Variants in TFAP2D observed in about 807,000 individuals in gnomAD.
The protein encoded by TFAP2D is transcription factor AP-2 delta, also known as transcription factor AP-2-delta.
Under a neutral mutation model 43.6 loss-of-function variants are expected in TFAP2D, and 9 were observed. The observed-to-expected ratio is 0.21, with a 90% confidence interval of 0.12 to 0.36. The LOEUF (loss-of-function observed/expected upper bound fraction) is 0.36. Among genes scored for constraint, TFAP2D ranks in the 10% least tolerant of loss-of-function variants. The pLI is 1.00. For missense variants in TFAP2D, 513 were observed against 561.4 expected (o/e 0.91, Z 0.87); for synonymous variants, 256 against 224.9 (o/e 1.14, Z -1.24).
intron 5 of TFAP2D, among the ~76,000 whole-genome samples, chr6:50,740,883 A>C (rs1170550403): frequency 6.6e-6 from 1 of 152,198 alleles, no homozygotes; most frequent in Non-Finnish European, 1.5e-5. Context: ...ACATTTTGCC[A>C]TTAACTTTCT....
chr6:50,738,114 C>T (rs898834609), intron 5 of TFAP2D, among the ~76,000 whole-genome samples: 1 of 151,822 alleles, frequency 6.6e-6, no homozygotes, highest in Non-Finnish European at 1.5e-5. Context: ...TTTATCATTG[C>T]TTATTTGATT....
intron 1 of TFAP2D, among the ~76,000 whole-genome samples, chr6:50,714,843 G>C (rs1463093931): frequency 6.6e-6 from 1 of 152,072 alleles, no homozygotes; most frequent in Admixed American, 6.5e-5. Flanking sequence ...GCGTGTGTGT[G>C]CGTGTGTGGT....
chr6:50,742,623 TAGATAGATGATA>T (rs1158778820), intron 5 of TFAP2D, among the ~76,000 whole-genome samples: 126 of 142,500 alleles, frequency 8.8e-4, no homozygotes, highest in East Asian at 4.0e-3. Context: ...GATAGATAGA[TAGATAGATGATA>T]GATAGATAGA....
intron 5 of TFAP2D, among the ~76,000 whole-genome samples, chr6:50,743,353 A>ATGTTT (rs1355430977): frequency 7.2e-6 from 1 of 138,468 alleles, no homozygotes; most frequent in Non-Finnish European, 1.6e-5. Flanking sequence ...AAAAAATAGT[A>ATGTTT]TATTTTGTTT....
chr6:50,764,059 AC>A (rs1205182859), intron 7 of TFAP2D, among the ~76,000 whole-genome samples: 2 of 152,204 alleles, frequency 1.3e-5, no homozygotes. Context: ...TAATTTAATA[AC>A]CCAGAGTTTC....
chr6:50,715,721 C>CCT (rs3835217), intron 2 of TFAP2D, 108 bp downstream of exon 2: 71 of 527,530 alleles, frequency 1.3e-4, no homozygotes, highest in African/African-American at 8.3e-4. Flanking sequence ...TCTCTCTTCT[C>CCT]CTCTCTCTCT....
chr6:50,716,925 G>A (rs556579281), intron 2 of TFAP2D, among the ~76,000 whole-genome samples: 1 of 152,188 alleles, frequency 6.6e-6, no homozygotes, highest in South Asian at 2.1e-4. Flanking sequence ...TCCCAACAAA[G>A]AGCCATAGCA....
Position 50,714,085 on chromosome 6 carries a change from C to G in TFAP2D, c.30C>G (p.His10Gln). The change falls in exon 1 of 8, where the codon CAC (histidine) becomes CAG (glutamine). Residue 10 changes from histidine to glutamine, a missense_variant. Physicochemically the swap from His to Gln is conservative, Grantham distance 24. Transcript: ENST00000008391. ...CAACTACCTTTCCGGGACTAGTCCA[C>G]GATGCCGAGGTATTATTACTTTTTT... is the stretch of plus-strand genomic sequence containing the variant. The part of the protein sequence containing the change: MSTTFPGLV[H>Q]DAEIRHDGSN... 1 of 1,604,172 alleles carries G rather than the reference C, an allele frequency of 6.2e-7. No homozygotes were observed. The highest frequency in any genetic ancestry group is 1.1e-5 in the South Asian group (1 of 90,246).
chr6:50,770,142 T>C (rs1769503812), intron 7 of TFAP2D, among the ~76,000 whole-genome samples: 3 of 152,328 alleles, frequency 2.0e-5, no homozygotes, highest in South Asian at 2.1e-4. Flanking sequence ...GTTCTTTTTG[T>C]GGGTATCACC....
In TFAP2D at chr6:50,728,917, T is replaced by C; in HGVS notation, c.660T>C (p.Leu220=). Residue 220 remains leucine (L), a synonymous_variant, in exon 4 of 8, where the codon CTT becomes CTC. Coordinates refer to ENST00000008391, the MANE Select transcript of TFAP2D (RefSeq NM_172238.4). ...LFCSVPGRLS[L]LSSTSKYKVT... ...GCTCTGTCCCTGGCCGTTTGTCCCT[T>C]CTTAGTTCTACTTCCAAATACAAGG... is the stretch of plus-strand genomic sequence containing the variant. 1 of 1,614,080 alleles carries C rather than the reference T, an allele frequency of 6.2e-7. No homozygotes were observed. The highest frequency in any genetic ancestry group is 8.5e-7 in the Non-Finnish European group (1 of 1,179,944).
intron 5 of TFAP2D, among the ~76,000 whole-genome samples, chr6:50,735,807 G>C (rs563864607): frequency 9.2e-4 from 140 of 152,208 alleles, no homozygotes; most frequent in Non-Finnish European, 1.6e-3. Flanking sequence ...CTTTCCTATA[G>C]ATAAGGTCTA....
intron 3 of TFAP2D, among the ~76,000 whole-genome samples, chr6:50,719,459 A>AAGAG (rs1768681583): frequency 7.9e-6 from 1 of 126,532 alleles, no homozygotes; most frequent in East Asian, 2.9e-4. Context: ...GAAAGAAAGA[A>AAGAG]AGAAAGAAAG....
chr6:50,743,769 G>A (rs1474499846), intron 5 of TFAP2D, among the ~76,000 whole-genome samples: 3 of 151,328 alleles, frequency 2.0e-5, no homozygotes, highest in African/African-American at 7.3e-5. Flanking sequence ...TTTTTTCCTG[G>A]TACTTGTAAT....
At chr6:50,735,318 T>G in intron 5 of TFAP2D, among the ~76,000 whole-genome samples, 1 of 152,250 alleles carries the variant, frequency 6.6e-6, no homozygotes. Context: ...CATTGCTGAG[T>G]TACTTCTGAA....
intron 5 of TFAP2D, among the ~76,000 whole-genome samples, chr6:50,741,739 A>C (rs1283195348): frequency 6.6e-6 from 1 of 151,956 alleles, no homozygotes; most frequent in African/African-American, 2.4e-5. Context: ...CAATACATTG[A>C]AATAAAGGGA....
Position 50,772,709 on chromosome 6 carries a change from C to A in TFAP2D, c.1204C>A (p.Leu402Ile), listed in dbSNP as rs775222966. Residue 402 changes from leucine (L) to isoleucine (I), a missense_variant, in exon 8 of 8, where the codon CTC (leucine) becomes ATC (isoleucine). This residue lies in a region of TFAP2D where 199 missense variants were observed against 227.9 expected (regional missense o/e 0.87). Coordinates refer to ENST00000008391, the MANE Select transcript of TFAP2D (RefSeq NM_172238.4). ...CAALSTFQTV[L>I]SEMLNYLEKH... Reference sequence around the variant, plus strand: ...AGCTCTAAGCACTTTCCAAACAGTTCTCAGTGAAATGCTGAACTACTTGGA... The same window carrying A: ...AGCTCTAAGCACTTTCCAAACAGTTATCAGTGAAATGCTGAACTACTTGGA... The A allele has an allele frequency of 2.4e-5, 38 of 1,613,964 alleles. No homozygotes were observed. The Admixed American group carries it at 4.3e-4, about 18-fold the overall frequency.
chr6:50,720,033 T>C (rs1245783238), intron 3 of TFAP2D, among the ~76,000 whole-genome samples: 1 of 152,236 alleles, frequency 6.6e-6, no homozygotes, highest in East Asian at 1.9e-4. Flanking sequence ...TTTATTTTTC[T>C]AGCAAGCTGA....
At chr6:50,728,344 G>A (rs752382097) in intron 3 of TFAP2D, among the ~76,000 whole-genome samples, 15 of 152,156 alleles carry the variant, frequency 9.9e-5, no homozygotes, top group African/African-American at 1.4e-4. Context: ...GCCTGGGATT[G>A]AGTGACTGTT....
At chr6:50,745,033 G>A in intron 5 of TFAP2D, 74 bp from the exon 6 acceptor site, 2 of 1,561,054 alleles carry the variant, frequency 1.3e-6, no homozygotes, top group Non-Finnish European at 1.7e-6. Context: ...AGTGAGGCTT[G>A]AGCAAAATGC....
Sources: allele counts gnomAD v4.1 joint callset (sites outside exome capture counted in the v4.1 genomes callset), GRCh38; gene constraint gnomAD v4.1.1; regional missense constraint gnomAD v4.1.1; transcripts MANE v1.5; gene names NCBI Gene and HGNC (gene_info 2026-07-23, HGNC 2026-07-21).